The following PPP4R3B variants were observed in gnomAD, a reference collection of about 807,000 sequenced individuals.
PPP4R3B encodes protein phosphatase 4 regulatory subunit 3B, also known as serine/threonine-protein phosphatase 4 regulatory subunit 3B.
In PPP4R3B, 52 loss-of-function variants were observed where a neutral mutation model predicts 95.4. That is an observed-to-expected ratio of 0.54 (90% CI 0.44 to 0.69). The LOEUF (loss-of-function observed/expected upper bound fraction) is 0.69. Among genes scored for constraint, PPP4R3B ranks in the 30% least tolerant of loss-of-function variants. The pLI is 0.00. For missense variants in PPP4R3B, 1,003 were observed against 1,005.9 expected (o/e 1.00, Z 0.04); for synonymous variants, 407 against 343.9 (o/e 1.18, Z -2.03).
chr2:55,600,081 G>C (rs929955034), intron 3 of PPP4R3B, among the ~76,000 whole-genome samples: 1 of 152,076 alleles, frequency 6.6e-6, no homozygotes, highest in Non-Finnish European at 1.5e-5. Flanking sequence ...ATCCCCTTAA[G>C]ACACTCTGAA....
At chr2:55,550,591 C>T (rs1344832955) in intron 16 of PPP4R3B, among the ~76,000 whole-genome samples, 1 of 152,140 alleles carries the variant, frequency 6.6e-6, no homozygotes, top group Non-Finnish European at 1.5e-5. Context: ...TGATGAGTAA[C>T]AGACCTCTGT....
intron 4 of PPP4R3B, among the ~76,000 whole-genome samples, chr2:55,593,619 T>C (rs1447372935): frequency 6.6e-6 from 1 of 152,168 alleles, no homozygotes; most frequent in Admixed American, 6.5e-5. Context: ...TAGAGGCCAC[T>C]GTAGGGCCAG....
chr2:55,553,254 C>T (rs1408435901), intron 16 of PPP4R3B, among the ~76,000 whole-genome samples: 2 of 152,108 alleles, frequency 1.3e-5, no homozygotes, highest in Admixed American at 6.6e-5. Flanking sequence ...GACACGCCTA[C>T]CCCACAATAA....
intron 4 of PPP4R3B, chr2:55,591,743 T>C (rs1691053153): frequency 1.3e-6 from 1 of 758,896 alleles, no homozygotes; most frequent in South Asian, 6.0e-5. Context: ...TTACAGTCCA[T>C]TAAGAGAATA....
Position 55,564,242 on chromosome 2 carries a change from T to C in PPP4R3B, c.2260+71A>G, listed in dbSNP as rs1266385530. 5 of 1,364,952 alleles carry C rather than the reference T, an allele frequency of 3.7e-6. No homozygotes were observed. In the East Asian group the frequency reaches 1.0e-4, roughly 28 times the overall value. The allele number at this position is 1,364,952 out of a possible 1,614,324, so 84.6% of individuals were successfully genotyped here. A position where few individuals can be genotyped will look rare whatever the true frequency, so the allele number is the denominator to read the frequency against. On this transcript the variant is annotated intron_variant, in intron 15 of 16. Transcript: ENST00000616407. ...TGCTTTGTAAACTATAAACAAACCT[T>C]CACAAAGCAACAAAATAATTTCTGC...
In PPP4R3B at chr2:55,588,875, T is replaced by C. The variant is rs1344555218; in HGVS notation, c.999+4A>G. 2.5e-6 allele frequency: 4 copies of C among 1,599,176 alleles called. No homozygotes were observed. The highest frequency in any genetic ancestry group is 2.6e-6 in the Non-Finnish European group (3 of 1,169,908). On this transcript the variant is annotated splice_donor_region_variant and intron_variant, in intron 5 of 16. Transcript: ENST00000616407. ...TCTTTAAGAGTTTGAATTTCATAAC[T>C]TACCAATTCACGCCGTTTATCATCA...
intron 15 of PPP4R3B, among the ~76,000 whole-genome samples, chr2:55,560,810 A>C (rs1686505375): frequency 8.3e-6 from 1 of 120,800 alleles, no homozygotes; most frequent in Non-Finnish European, 1.7e-5. Flanking sequence ...AAAAAAAAAA[A>C]AGAGGCCTTC....
Position 55,586,661 on chromosome 2 carries a change from G to A in PPP4R3B, c.1073C>T (p.Thr358Ile). The change falls in exon 6 of 17, where the codon ACA becomes ATA. Residue 358 changes from threonine to isoleucine, a missense_variant. Thr to Ile is a moderately conservative substitution (Grantham distance 89). Around this residue, in one of 3 missense-constraint regions of PPP4R3B, gnomAD observed 695 missense variants for 686.2 expected, o/e 1.01. Transcript: ENST00000616407. ...QPQNRDAFFKTLAKLGILPAL... is the reference protein window; with the variant it reads ...QPQNRDAFFKILAKLGILPAL... ...AGGAAGAATTCCCAATTTTGCCAAT[G>A]TTTTGAAAAATGCATCCCTGTTTTG... 6.2e-7 allele frequency: 1 copy of A among 1,609,624 alleles called. No homozygotes were observed. Among genetic ancestry groups the A allele is most frequent in the Non-Finnish European group, 8.5e-7 (1 of 1,178,030 alleles).
chr2:55,571,460 T>C lies in PPP4R3B; in HGVS notation c.1765+2159A>G, dbSNP rs931448866. 2.6e-5 allele frequency among the ~76,000 whole-genome samples: 4 copies of C among 152,068 alleles called. No individual in the cohort carries two copies. In the East Asian group the frequency reaches 5.8e-4, roughly 22 times the overall value. ...AAATTAATATAAAAATATAATGTAA[T>C]TCCAATCAAAATGAACTGGATACAA... On this transcript the variant is annotated intron_variant, in intron 12 of 16. Transcript: ENST00000616407.
chr2:55,579,130 T>G (rs1689095340), intron 9 of PPP4R3B, among the ~76,000 whole-genome samples: 1 of 152,082 alleles, frequency 6.6e-6, no homozygotes, highest in Non-Finnish European at 1.5e-5. Context: ...TCCATTTTAA[T>G]AAACTGAAAA....
At chr2:55,554,902 T>C (rs1685646744) in intron 16 of PPP4R3B, among the ~76,000 whole-genome samples, 1 of 152,176 alleles carries the variant, frequency 6.6e-6, no homozygotes, top group African/African-American at 2.4e-5. Context: ...TTTCATCCAT[T>C]TTGAGAGGAG....
At chr2:55,564,681 T>C (rs1574707915) in intron 14 of PPP4R3B, among the ~76,000 whole-genome samples, 184 bp from the exon 15 acceptor site, 1 of 152,206 alleles carries the variant, frequency 6.6e-6, no homozygotes, top group South Asian at 2.1e-4. Context: ...TTTTAGGATG[T>C]TGTAAATTAA....
intron 6 of PPP4R3B, among the ~76,000 whole-genome samples, chr2:55,586,008 G>T (rs777722967): frequency 1.3e-5 from 2 of 151,764 alleles, no homozygotes; most frequent in Non-Finnish European, 2.9e-5. Context: ...CTTCTATAAA[G>T]CAAGGTACTA....
At chr2:55,584,302 T>C (rs962893401) in intron 7 of PPP4R3B, among the ~76,000 whole-genome samples, 2 of 152,188 alleles carry the variant, frequency 1.3e-5, no homozygotes, top group African/African-American at 4.8e-5. Context: ...ATATCAGTAG[T>C]GGGAAAACAC....
intron 16 of PPP4R3B, among the ~76,000 whole-genome samples, chr2:55,553,242 C>T (rs1685448864): frequency 6.6e-6 from 1 of 152,176 alleles, no homozygotes; most frequent in Non-Finnish European, 1.5e-5. Context: ...GTATACTGAG[C>T]AGACACGCCT....
chr2:55,592,406 G>T (rs374959124), intron 4 of PPP4R3B, among the ~76,000 whole-genome samples: 3 of 151,998 alleles, frequency 2.0e-5, no homozygotes, highest in African/African-American at 7.2e-5. Flanking sequence ...CAAAGCAAAA[G>T]ATACACAAAG....
intron 12 of PPP4R3B, among the ~76,000 whole-genome samples, chr2:55,568,741 G>A (rs1687611136): frequency 6.6e-6 from 1 of 152,200 alleles, no homozygotes; most frequent in Non-Finnish European, 1.5e-5. Flanking sequence ...CAGTGCTGGT[G>A]GATGCTGAGA....
Position 55,573,740 on chromosome 2 carries a change from T to A in PPP4R3B, c.1644A>T (p.Leu548Phe). 6.5e-7 allele frequency: 1 copy of A among 1,537,858 alleles called. No homozygotes were observed. The highest frequency in any genetic ancestry group is 8.7e-7 in the Non-Finnish European group (1 of 1,143,378). ...YQTAQLLALI[L>F]ELLTFCVEHH... ...GTTCCACACAAAATGTGAGTAACTC[T>A]AAAATTAAGGCAAGTAGCTGTGCTG... The change falls in exon 12 of 17, where the codon TTA (leucine) becomes TTT (phenylalanine). Residue 548 changes from leucine (L) to phenylalanine (F), a missense_variant. Physicochemically the swap from Leu to Phe is conservative, Grantham distance 22. Coordinates refer to ENST00000616407, the MANE Select transcript of PPP4R3B (RefSeq NM_001122964.3).
Position 55,560,075 on chromosome 2 carries a change from T to C in PPP4R3B, c.2261-1107A>G, listed in dbSNP as rs187464334. 1.8e-3 allele frequency among the ~76,000 whole-genome samples: 270 copies of C among 152,222 alleles called. 1 individual carries two copies. Among genetic ancestry groups the C allele is most frequent in the Non-Finnish European group, 3.3e-3 (224 of 68,010 alleles). On this transcript the variant is annotated intron_variant, in intron 15 of 16. Transcript: ENST00000616407. ...AGGCAGAGGATGCAGTGAGCTGAGATTGTGCCACTGCCCACCAGCATGGAT... is the reference window on the plus strand; with the variant it reads ...AGGCAGAGGATGCAGTGAGCTGAGACTGTGCCACTGCCCACCAGCATGGAT...
Sources: allele counts gnomAD v4.1 joint callset (sites outside exome capture counted in the v4.1 genomes callset), GRCh38; gene constraint gnomAD v4.1.1; regional missense constraint gnomAD v4.1.1; transcripts MANE v1.5; gene names NCBI Gene and HGNC (gene_info 2026-07-23, HGNC 2026-07-21).